Variants in GPR149 observed in about 807,000 individuals in gnomAD.
GPR149 encodes the protein probable G protein-coupled receptor 149.
GPR149 carries 50 observed loss-of-function variants against 50.2 expected under a neutral mutation model. The ratio of observed to expected loss-of-function variants is 1.00; its 90% CI spans 0.79 to 1.26. GPR149 has a LOEUF of 1.26. Ranked by LOEUF, GPR149 falls within the 50% of genes most tolerant of loss-of-function variation. GPR149 has a pLI of 0.00. For synonymous variants in GPR149, 405 were observed against 358.2 expected (o/e 1.13, Z -1.48); for missense variants, 983 against 895.4 (o/e 1.10, Z -1.25).
intron 3 of GPR149, among the ~76,000 whole-genome samples, chr3:154,349,478 A>C (rs898959789): frequency 2.0e-5 from 3 of 152,192 alleles, no homozygotes; most frequent in African/African-American, 7.2e-5. Flanking sequence ...TACACATTCA[A>C]ATTTGACAAC....
intron 3 of GPR149, among the ~76,000 whole-genome samples, chr3:154,359,917 T>A (rs2108394536): frequency 6.6e-6 from 1 of 152,266 alleles, no homozygotes; most frequent in East Asian, 1.9e-4. Context: ...TGGAAGGTAG[T>A]CCAATCACAG....
chr3:154,351,304 A>C (rs1287752076), intron 3 of GPR149, among the ~76,000 whole-genome samples: 1 of 125,980 alleles, frequency 7.9e-6, no homozygotes, highest in Non-Finnish European at 1.6e-5. Flanking sequence ...GCAATTAGAC[A>C]TCCACATACA....
chr3:154,350,772 TG>T (rs1459778101), intron 3 of GPR149, among the ~76,000 whole-genome samples: 9 of 152,266 alleles, frequency 5.9e-5, no homozygotes, highest in Non-Finnish European at 1.3e-4. Flanking sequence ...TTGGTATCTG[TG>T]GGGGATTGGT....
At chr3:154,404,796 T>C (rs1711638057) in intron 3 of GPR149, among the ~76,000 whole-genome samples, 1 of 152,174 alleles carries the variant, frequency 6.6e-6, no homozygotes, top group Non-Finnish European at 1.5e-5. Context: ...AAGTGAGCAA[T>C]TTTTTGTAAA....
Position 154,429,155 on chromosome 3 carries a change from A to ACCACGCC in GPR149, c.454_460dup (p.Val154GlyfsTer135). ...CAGACTGGCTGCCCACACGGTCAGC[A>ACCACGCC]CCACGCCGAGCACCTGGCCCGATCT... On this transcript the variant is annotated frameshift_variant, in exon 1 of 4. Transcript: ENST00000389740. LOFTEE classifies it high-confidence loss of function. 6.2e-7 allele frequency: 1 copy of ACCACGCC among 1,613,752 alleles called. No homozygotes were observed. Among genetic ancestry groups the ACCACGCC allele is most frequent in the Non-Finnish European group, 8.5e-7 (1 of 1,179,944 alleles).
At chr3:154,347,833 G>A (rs1215956816) in intron 3 of GPR149, among the ~76,000 whole-genome samples, 2 of 152,152 alleles carry the variant, frequency 1.3e-5, no homozygotes, top group Non-Finnish European at 2.9e-5. Flanking sequence ...AAAATCATAC[G>A]TGGAAAGAAA....
At chr3:154,364,060 G>A (rs1714475718) in intron 3 of GPR149, among the ~76,000 whole-genome samples, 1 of 152,134 alleles carries the variant, frequency 6.6e-6, no homozygotes, top group Non-Finnish European at 1.5e-5. Context: ...TGGAACAATG[G>A]GAGAGAAGAA....
At chr3:154,411,913 C>G (rs1711844983) in intron 3 of GPR149, among the ~76,000 whole-genome samples, 1 of 152,022 alleles carries the variant, frequency 6.6e-6, no homozygotes, top group Non-Finnish European at 1.5e-5. Flanking sequence ...AAACTATGGA[C>G]TAGTATCCCT....
intron 3 of GPR149, among the ~76,000 whole-genome samples, chr3:154,387,393 T>A (rs1362773476): frequency 6.6e-6 from 1 of 152,224 alleles, no homozygotes; most frequent in Non-Finnish European, 1.5e-5. Context: ...TATTTGGCAC[T>A]GAATGTTTCA....
In GPR149 at chr3:154,366,594, A is replaced by G. The variant is rs145788335; in HGVS notation, c.1624-28323T>C. Among the ~76,000 whole-genome samples, 722 of 152,136 alleles carry G rather than the reference A, an allele frequency of 4.7e-3. 4 individuals are homozygous for G. The highest frequency in any genetic ancestry group is 0.01 in the Middle Eastern group (3 of 294). On this transcript the variant is annotated intron_variant, in intron 3 of 3. Transcript: ENST00000389740. ...GCTTCATCTGTCTTTGGTCTCCACA[A>G]CTCCCCTTATGTTAACTCAAGAATG...
intron 3 of GPR149, among the ~76,000 whole-genome samples, chr3:154,410,306 T>C (rs1255441047): frequency 6.6e-6 from 1 of 152,026 alleles, no homozygotes; most frequent in African/African-American, 2.4e-5. Flanking sequence ...ATAGGACCTA[T>C]ATAACAATAA....
chr3:154,361,484 A>C (rs1479804252), intron 3 of GPR149, among the ~76,000 whole-genome samples: 1 of 152,170 alleles, frequency 6.6e-6, no homozygotes, highest in Non-Finnish European at 1.5e-5. Context: ...TTTGCATTTA[A>C]ATTTTTTCTC....
intron 3 of GPR149, among the ~76,000 whole-genome samples, chr3:154,387,781 A>T (rs1195555407): frequency 6.6e-6 from 1 of 152,160 alleles, no homozygotes; most frequent in East Asian, 1.9e-4. Flanking sequence ...GGCACTCTCC[A>T]GAGTGCTAAA....
intron 2 of GPR149, among the ~76,000 whole-genome samples, chr3:154,421,982 AT>A (rs1345080174): frequency 6.6e-6 from 1 of 151,730 alleles, no homozygotes. Context: ...TTGGTATATA[AT>A]TTTTTGTCAT....
chr3:154,415,612 T>A (rs1174855519), intron 3 of GPR149, among the ~76,000 whole-genome samples: 1 of 150,266 alleles, frequency 6.7e-6, no homozygotes, highest in Non-Finnish European at 1.5e-5. Context: ...GCAGCAGGAC[T>A]TTTTTTGGTT....
At chr3:154,388,189 A>G (rs1046693268) in intron 3 of GPR149, among the ~76,000 whole-genome samples, 4 of 152,166 alleles carry the variant, frequency 2.6e-5, no homozygotes, top group Non-Finnish European at 4.4e-5. Flanking sequence ...CCACTGATCT[A>G]TGTTACCTTA....
chr3:154,354,150 C>T, intron 3 of GPR149: 1 of 491,434 alleles, frequency 2.0e-6, no homozygotes, highest in Non-Finnish European at 3.9e-6. Flanking sequence ...TTTTTTTTGG[C>T]CTTGGAAGCA....
At chr3:154,367,385 C>A (rs566742229) in intron 3 of GPR149, among the ~76,000 whole-genome samples, 1 of 151,386 alleles carries the variant, frequency 6.6e-6, no homozygotes, top group South Asian at 2.1e-4. Context: ...TTTCTGTGAT[C>A]AGCAGACCTT....
chr3:154,352,020 C>T, intron 3 of GPR149: 1 of 339,844 alleles, frequency 2.9e-6, no homozygotes, highest in South Asian at 1.0e-4. Context: ...ATACGACCAA[C>T]TTCTGTGCAA....
Sources: allele counts gnomAD v4.1 joint callset (sites outside exome capture counted in the v4.1 genomes callset), GRCh38; gene constraint gnomAD v4.1.1; transcripts MANE v1.5; gene names NCBI Gene and HGNC (gene_info 2026-07-23, HGNC 2026-07-21).